The following LMBR1 variants were observed in gnomAD, a reference collection of about 807,000 sequenced individuals.
LMBR1 encodes the protein limb development membrane protein 1.
A neutral mutation model predicts 73.9 loss-of-function variants in LMBR1; 52 were observed. That is an observed-to-expected ratio of 0.70 (90% CI 0.56 to 0.89). LMBR1 has a LOEUF of 0.89. Ranked by LOEUF, LMBR1 falls within the 40% of genes least tolerant of loss-of-function variation. The probability of loss-of-function intolerance (pLI) is 0.00; values close to 1 mark genes in which losing one functional copy is unlikely to be tolerated. For synonymous variants in LMBR1, 215 were observed against 209.4 expected, an observed-to-expected ratio of 1.03 and a Z score of -0.23; for missense variants, 539 against 579.8, an observed-to-expected ratio of 0.93 and a Z score of 0.72.
At chr7:156,830,507 T>C (rs1836492616) in intron 3 of LMBR1, among the ~76,000 whole-genome samples, 1 of 152,202 alleles carries the variant, frequency 6.6e-6, no homozygotes, top group Non-Finnish European at 1.5e-5. Flanking sequence ...ATAGTGTTGA[T>C]GACAAAGAAA....
intron 15 of LMBR1, among the ~76,000 whole-genome samples, chr7:156,703,901 C>A (rs1810335376): frequency 6.6e-6 from 1 of 152,192 alleles, no homozygotes. Context: ...CCTGTTGTAC[C>A]CACTGTAGCT....
intron 1 of LMBR1, among the ~76,000 whole-genome samples, chr7:156,843,302 T>C (rs905824619): frequency 1.3e-5 from 2 of 151,900 alleles, no homozygotes; most frequent in Admixed American, 1.3e-4. Context: ...GAAGCACTGG[T>C]TTAGGGTATT....
intron 15 of LMBR1, among the ~76,000 whole-genome samples, chr7:156,720,624 A>G (rs560472631): frequency 6.6e-6 from 1 of 152,066 alleles, no homozygotes; most frequent in South Asian, 2.1e-4. Flanking sequence ...TAATCAACCA[A>G]AAGTTAATTA....
intron 9 of LMBR1, among the ~76,000 whole-genome samples, chr7:156,756,150 G>C (rs758500150): frequency 6.6e-6 from 1 of 152,116 alleles, no homozygotes. Context: ...CAGTAGAGAG[G>C]TGTCTAGTCC....
chr7:156,817,247 A>T (rs1288370229), intron 4 of LMBR1, among the ~76,000 whole-genome samples: 1 of 152,166 alleles, frequency 6.6e-6, no homozygotes, highest in Non-Finnish European at 1.5e-5. Context: ...CATAGACAAA[A>T]GCCTTCATGA....
chr7:156,802,787 C>T (rs1234025649), intron 4 of LMBR1, among the ~76,000 whole-genome samples: 1 of 150,654 alleles, frequency 6.6e-6, no homozygotes, highest in Admixed American at 6.6e-5. Context: ...CCCCACCTCC[C>T]CCTGATTCCC....
At chr7:156,686,158 T>C (rs1805965313) in intron 16 of LMBR1, among the ~76,000 whole-genome samples, 1 of 152,148 alleles carries the variant, frequency 6.6e-6, no homozygotes, top group African/African-American at 2.4e-5. Flanking sequence ...AAGGCACCCT[T>C]TTAGGATCGA....
At chr7:156,676,256 T>TAC (rs1563105938), downstream of LMBR1, 1 of 1,535,176 alleles carries the variant, frequency 6.5e-7, no homozygotes, top group Non-Finnish European at 8.8e-7. Context: ...TATATATATA[T>TAC]GTATATATAT....
At chr7:156,699,467 G>C (rs1205267348) in intron 15 of LMBR1, among the ~76,000 whole-genome samples, 1 of 151,510 alleles carries the variant, frequency 6.6e-6, no homozygotes, top group East Asian at 1.9e-4. Context: ...AGAAAACCTA[G>C]GCAATACCAT....
chr7:156,748,364 T>A (rs1030678945), intron 9 of LMBR1, among the ~76,000 whole-genome samples: 1 of 152,232 alleles, frequency 6.6e-6, no homozygotes, highest in South Asian at 2.1e-4. Context: ...CTAGATAAGA[T>A]GTTAAGATAA....
chr7:156,809,274 A>T (rs1356024193), intron 4 of LMBR1, among the ~76,000 whole-genome samples: 1 of 152,190 alleles, frequency 6.6e-6, no homozygotes. Context: ...TGTATCTGAC[A>T]CTATCACTAT....
At chr7:156,888,928 C>G (rs1802412543) in intron 1 of LMBR1, among the ~76,000 whole-genome samples, 1 of 152,006 alleles carries the variant, frequency 6.6e-6, no homozygotes, top group Non-Finnish European at 1.5e-5. Flanking sequence ...GTGGCGCATG[C>G]CTGTAATCCC....
downstream of LMBR1, chr7:156,675,917 C>CTGTGGGGAGTGGCA: frequency 6.4e-7 from 1 of 1,564,088 alleles, no homozygotes; most frequent in Non-Finnish European, 8.7e-7. Flanking sequence ...GCTGCAGAGG[C>CTGTGGGGAGTGGCA]TGTGGGGAGT....
chr7:156,804,215 C>CT (rs967445040), intron 4 of LMBR1, among the ~76,000 whole-genome samples: 30 of 152,166 alleles, frequency 2.0e-4, no homozygotes, highest in African/African-American at 7.2e-4. Flanking sequence ...GATATATACT[C>CT]TTGTTTTTGT....
At chr7:156,742,809 T>C (rs553550602) in intron 9 of LMBR1, among the ~76,000 whole-genome samples, 7 of 151,624 alleles carry the variant, frequency 4.6e-5, no homozygotes, top group African/African-American at 1.5e-4. Context: ...GAAAGCAAAC[T>C]ACAGACCAAC....
chr7:156,769,312 C>G (rs2133030772), intron 5 of LMBR1, among the ~76,000 whole-genome samples: 1 of 152,266 alleles, frequency 6.6e-6, no homozygotes, highest in South Asian at 2.1e-4. Context: ...TGGGGGCTTA[C>G]TGCCCTGGTG....
intron 1 of LMBR1, among the ~76,000 whole-genome samples, chr7:156,888,239 T>A (rs556816200): frequency 2.8e-4 from 42 of 151,534 alleles, no homozygotes; most frequent in Middle Eastern, 3.4e-3. Flanking sequence ...TGAAACCCCG[T>A]CTCTACTAAA....
chr7:156,718,350 A>G (rs1813693187), intron 15 of LMBR1, among the ~76,000 whole-genome samples: 1 of 151,602 alleles, frequency 6.6e-6, no homozygotes, highest in Admixed American at 6.6e-5. Flanking sequence ...CAGTGAGCCG[A>G]GATTGTGCCA....
At chr7:156,762,833 G>A in intron 7 of LMBR1, among the ~76,000 whole-genome samples, 1 of 108,642 alleles carries the variant, frequency 9.2e-6, no homozygotes, top group South Asian at 2.8e-4. Context: ...GTGTGTGAAA[G>A]TGTGTGAGTG....
Sources: allele counts gnomAD v4.1 joint callset (sites outside exome capture counted in the v4.1 genomes callset), GRCh38; gene constraint gnomAD v4.1.1; transcripts MANE v1.5; gene names NCBI Gene and HGNC (gene_info 2026-07-23, HGNC 2026-07-21).